The following ARHGAP5 variants were observed in gnomAD, a reference collection of about 807,000 sequenced individuals.
ARHGAP5 encodes rho GTPase-activating protein 5.
A neutral mutation model predicts 116.6 loss-of-function variants in ARHGAP5; 23 were observed. That is an observed-to-expected ratio of 0.20 (90% CI 0.14 to 0.28). ARHGAP5 has a LOEUF of 0.28. Among genes scored for constraint, ARHGAP5 ranks in the 10% least tolerant of loss-of-function variants. The pLI, the probability that ARHGAP5 is intolerant of heterozygous loss-of-function variation, is 1.00. For synonymous variants in ARHGAP5, 574 were observed against 602.0 expected (o/e 0.95, Z 0.68); for missense variants, 1,405 against 1,774.8 (o/e 0.79, Z 3.74).
At chr14:32,102,550 G>A (rs1419715915) in intron 2 of ARHGAP5, among the ~76,000 whole-genome samples, 1 of 152,272 alleles carries the variant, frequency 6.6e-6, no homozygotes. Context: ...ACCCTGTCTC[G>A]AAAACAAAGA....
chr14:32,078,119 G>A (rs1594333428), intron 1 of ARHGAP5: 1 of 131,178 alleles, frequency 7.6e-6, no homozygotes, highest in East Asian at 2.6e-4. Flanking sequence ...ATAACCTCCA[G>A]ATTCTTCCTC....
rs1878284059 is a variant in ARHGAP5 at position 32,092,091 on chromosome 14, A to G, written c.1422A>G (p.Val474=). The G allele has an allele frequency of 1.9e-6, 3 of 1,613,926 alleles. No individual in the cohort carries two copies. The highest frequency in any genetic ancestry group is 2.5e-6 in the Non-Finnish European group (3 of 1,179,830). ...TCACTGAGGCTGATAGCAAAGAGGT[A>G]TATGGTAGGCATCAGCGAGAAATAG... The part of the protein sequence containing the change: ...KYITEADSKE[V]YGRHQREIVE... Residue 474 remains valine (V), a synonymous_variant, in exon 2 of 7, where the codon GTA becomes GTG. Transcript: ENST00000345122. The surrounding 1 kb of genome is among the most constrained non-coding windows in gnomAD (Gnocchi z 4.1).
At chr14:32,117,658 A>G (rs1327950104) in intron 3 of ARHGAP5, among the ~76,000 whole-genome samples, 1 of 152,186 alleles carries the variant, frequency 6.6e-6, no homozygotes, top group Non-Finnish European at 1.5e-5. Context: ...TTCATTACCC[A>G]TTTTACACAT....
chr14:32,112,480 G>C (rs1043983900), intron 2 of ARHGAP5, among the ~76,000 whole-genome samples: 1 of 152,178 alleles, frequency 6.6e-6, no homozygotes, highest in Non-Finnish European at 1.5e-5. Context: ...ACTGTGATGT[G>C]CTTTTGCAGA....
chr14:32,129,800 C>T (rs1376318331), intron 3 of ARHGAP5, among the ~76,000 whole-genome samples: 1 of 152,124 alleles, frequency 6.6e-6, no homozygotes, highest in Admixed American at 6.5e-5. Flanking sequence ...ATTTTATTCA[C>T]TTGGCAAAAC....
chr14:32,130,124 C>A (rs577708476), intron 3 of ARHGAP5, among the ~76,000 whole-genome samples: 6 of 151,004 alleles, frequency 4.0e-5, no homozygotes, highest in Non-Finnish European at 8.8e-5. Flanking sequence ...TATATGACCA[C>A]ATATCTTAAG....
rs780385023 is a variant in ARHGAP5 at position 32,077,358 on chromosome 14, C to T, written c.-246C>T. 4.9e-3 allele frequency: 3,444 copies of T among 698,418 alleles called. 23 individuals are homozygous for T. Among genetic ancestry groups the T allele is most frequent in the Admixed American group, 9.8e-3 (490 of 49,850 alleles). The allele number at this position is 698,418 out of a possible 1,614,324, so 43.3% of individuals were successfully genotyped here. A position where few individuals can be genotyped will look rare whatever the true frequency, so the allele number is the denominator to read the frequency against. ...AGGAGGCGGCGGCGGCGGGAGCGGT[C>T]CCCAGGAATGTCGCTGCCGCCGCCA... On this transcript the variant is annotated 5_prime_UTR_variant, in exon 1 of 7. Transcript: ENST00000345122.
At chr14:32,106,628 C>G in intron 2 of ARHGAP5, among the ~76,000 whole-genome samples, 1 of 152,104 alleles carries the variant, frequency 6.6e-6, no homozygotes, top group Non-Finnish European at 1.5e-5. Flanking sequence ...TATTTGTAAC[C>G]TCTGTATAAA....
At chr14:32,114,109 T>TC (rs1879439629) in intron 2 of ARHGAP5, among the ~76,000 whole-genome samples, 1 of 151,926 alleles carries the variant, frequency 6.6e-6, no homozygotes, top group African/African-American at 2.4e-5. Flanking sequence ...ACGCCTGTAG[T>TC]CCCAGCTACT....
chr14:32,119,095 TG>T (rs1489429311), intron 3 of ARHGAP5, among the ~76,000 whole-genome samples: 2 of 152,150 alleles, frequency 1.3e-5, no homozygotes, highest in Admixed American at 6.5e-5. Context: ...CTAGTTCTTT[TG>T]TTGTCGTTAT....
At chr14:32,100,656 C>A (rs1408137195) in intron 2 of ARHGAP5, among the ~76,000 whole-genome samples, 2 of 152,152 alleles carry the variant, frequency 1.3e-5, no homozygotes, top group Non-Finnish European at 2.9e-5. Flanking sequence ...ACTTCAGTGT[C>A]CTCGGATTTT....
intron 3 of ARHGAP5, among the ~76,000 whole-genome samples, chr14:32,143,913 C>T (rs530246447): frequency 6.6e-6 from 1 of 152,196 alleles, no homozygotes; most frequent in Non-Finnish European, 1.5e-5. Context: ...TGTTTAACAG[C>T]ATTCCTGGCC....
chr14:32,087,479 G>A (rs374182588), intron 1 of ARHGAP5, among the ~76,000 whole-genome samples: 31 of 47,744 alleles, frequency 6.5e-4, no homozygotes, highest in African/African-American at 2.2e-3. Context: ...TCCCCCGCCC[G>A]CCCTCCCCCG....
rs375679512 is a variant in ARHGAP5 at position 32,154,713 on chromosome 14, G to A, written c.4274G>A (p.Arg1425Gln). 8 of 1,613,914 alleles carry A rather than the reference G, an allele frequency of 5.0e-6. No homozygotes were observed. The East Asian group carries it at 6.7e-5, about 13-fold the overall frequency. ...PTLMRPDFENREFLSTTKIHQ... is the reference protein window; with the variant it reads ...PTLMRPDFENQEFLSTTKIHQ... ...TTGATGAGACCTGATTTTGAAAATC[G>A]AGAGTTTCTGTCTACTACTAAGATT... is the stretch of plus-strand genomic sequence containing the variant. The change falls in exon 7 of 7, where the codon CGA (arginine) becomes CAA (glutamine). Residue 1425 changes from arginine to glutamine, a missense_variant. By Grantham distance (43) the Arg-to-Gln change is conservative. Transcript: ENST00000345122.
intron 2 of ARHGAP5, among the ~76,000 whole-genome samples, chr14:32,101,140 C>T (rs1322552095): frequency 6.6e-6 from 1 of 152,060 alleles, no homozygotes; most frequent in African/African-American, 2.4e-5. Context: ...TTAGCAATTA[C>T]CAACTTGTAT....
intron 3 of ARHGAP5, among the ~76,000 whole-genome samples, chr14:32,129,156 A>G (rs1880345579): frequency 6.6e-6 from 1 of 152,310 alleles, no homozygotes. Context: ...GCTTTTGGTT[A>G]GGTTAGATAG....
intron 3 of ARHGAP5, among the ~76,000 whole-genome samples, chr14:32,122,040 C>A (rs547815729): frequency 6.6e-6 from 1 of 152,282 alleles, no homozygotes; most frequent in South Asian, 2.1e-4. Context: ...TATGTTTTCA[C>A]CTCTTGGGTA....
chr14:32,142,551 A>G (rs1385004966), intron 3 of ARHGAP5, among the ~76,000 whole-genome samples: 1 of 152,240 alleles, frequency 6.6e-6, no homozygotes, highest in Non-Finnish European at 1.5e-5. Flanking sequence ...AGCCAAGGGA[A>G]AAACAACACT....
intron 3 of ARHGAP5, among the ~76,000 whole-genome samples, chr14:32,129,275 T>A (rs1211404414): frequency 2.0e-5 from 3 of 152,232 alleles, no homozygotes; most frequent in Non-Finnish European, 4.4e-5. Flanking sequence ...GTTCCCATTT[T>A]TTTTTCAGTT....
Sources: allele counts gnomAD v4.1 joint callset (sites outside exome capture counted in the v4.1 genomes callset), GRCh38; gene constraint gnomAD v4.1.1; non-coding constraint Gnocchi (gnomAD v3.1); transcripts MANE v1.5; gene names NCBI Gene and HGNC (gene_info 2026-07-23, HGNC 2026-07-21).